The following NSUN4 variants were observed in gnomAD, a reference collection of about 807,000 sequenced individuals.
NSUN4 encodes NOP2/Sun RNA methyltransferase 4, also known as 5-cytosine rRNA methyltransferase NSUN4.
A neutral mutation model predicts 43.8 loss-of-function variants in NSUN4; 31 were observed. The observed-to-expected ratio is 0.71, with a 90% CI of 0.53 to 0.96. The LOEUF is 0.96. Ranked by LOEUF, NSUN4 falls within the 40% of genes least tolerant of loss-of-function variation. The probability of loss-of-function intolerance (pLI) is 0.00; values close to 1 mark genes in which losing one functional copy is unlikely to be tolerated. For synonymous variants in NSUN4, 167 were observed against 184.1 expected (o/e 0.91, Z 0.75); for missense variants, 439 against 475.6 (o/e 0.92, Z 0.72).
rs193220856 is a variant in NSUN4 at position 46,348,023 on chromosome 1, G to A, written c.592+948G>A. On this transcript the variant is annotated intron_variant, in intron 3 of 5. Coordinates refer to ENST00000474844, the MANE Select transcript of NSUN4 (RefSeq NM_199044.4). ...CTCCCTACTAGCTAGGACTACAGGCGCCCACCACCACGCCCAGCTAATTTG... is the reference window on the plus strand; with the variant it reads ...CTCCCTACTAGCTAGGACTACAGGCACCCACCACCACGCCCAGCTAATTTG... 6.6e-5 allele frequency among the ~76,000 whole-genome samples: 10 copies of A among 151,996 alleles called. No individual in the cohort carries two copies. In the East Asian group the frequency reaches 1.2e-3, roughly 18 times the overall value.
In NSUN4 at chr1:46,349,138, T is replaced by C. The variant is rs1370780626; in HGVS notation, c.592+2063T>C. ...TTGTGCACTGTTTTTTTTGGTTTGT[T>C]TTTTTGTTTTTTTTTTTTTGAGACG... On this transcript the variant is annotated intron_variant, in intron 3 of 5. Coordinates refer to ENST00000474844, the MANE Select transcript of NSUN4 (RefSeq NM_199044.4). Among the ~76,000 whole-genome samples, 3 of 136,116 alleles carry C rather than the reference T, an allele frequency of 2.2e-5. No homozygotes were observed. In the East Asian group the frequency reaches 6.0e-4, roughly 27 times the overall value. The allele number at this position is 136,116 out of a possible 152,430, so 89.3% of individuals were successfully genotyped here. A position where few individuals can be genotyped will look rare whatever the true frequency, so the allele number is the denominator to read the frequency against.
the NSUN4 span, among the ~76,000 whole-genome samples, chr1:46,376,992 AG>A: frequency 1.1e-4 from 17 of 151,948 alleles, no homozygotes; most frequent in African/African-American, 4.1e-4. Flanking sequence ...TCCTGATCTC[AG>A]GTGATCCACC....
At position 46,361,958 on chromosome 1, in the gene NSUN4, G is replaced by C. The variant is rs1663912201; in HGVS notation, c.*112G>C. On this transcript the variant is annotated 3_prime_UTR_variant, in exon 6 of 6. Coordinates refer to ENST00000474844, the MANE Select transcript of NSUN4 (RefSeq NM_199044.4). ...GCACTCTCGGTCCTGTCTCCATCCT[G>C]TTCGTGTCTTTCTGCAGTTTTCGGC... The C allele has an allele frequency of 1.0e-6, 1 of 992,866 alleles. No homozygotes were observed. The highest frequency in any genetic ancestry group is 1.7e-5 in the South Asian group (1 of 59,234). 61.5% of individuals were successfully genotyped at this position (992,866 alleles called of 1,614,324 possible).
chr1:46,371,569 GT>G, the NSUN4 span, among the ~76,000 whole-genome samples: 1 of 151,988 alleles, frequency 6.6e-6, no homozygotes, highest in Non-Finnish European at 1.5e-5. Context: ...GCCTCCCAAA[GT>G]TCTGTGATTA....
intron 1 of NSUN4, chr1:46,342,496 C>T (rs747945412): frequency 7.5e-6 from 3 of 399,024 alleles, no homozygotes; most frequent in Admixed American, 4.4e-5. Flanking sequence ...CCTTGCTCAC[C>T]CCAGTCCCAG....
In NSUN4 at chr1:46,361,991, A is replaced by T; in HGVS notation, c.*145A>T. 2.7e-6 allele frequency: 2 copies of T among 752,974 alleles called. No homozygotes were observed. Among genetic ancestry groups the T allele is most frequent in the Non-Finnish European group, 4.2e-6 (2 of 471,836 alleles). The allele number at this position is 752,974 out of a possible 1,614,324, so 46.6% of individuals were successfully genotyped here. On this transcript the variant is annotated 3_prime_UTR_variant, in exon 6 of 6. Coordinates refer to ENST00000474844, the MANE Select transcript of NSUN4 (RefSeq NM_199044.4). ...CTTTCTGCAGTTTTCGGCAATAAGA[A>T]GTAGAAGATTTGCTGTCCTGCTGTC...
intron 4 of NSUN4, among the ~76,000 whole-genome samples, chr1:46,354,528 C>T (rs1663231334): frequency 6.6e-6 from 1 of 152,102 alleles, no homozygotes; most frequent in South Asian, 2.1e-4. Context: ...ACCTGATTTA[C>T]CTAATCTGTC....
chr1:46,376,577 A>G, the NSUN4 span, among the ~76,000 whole-genome samples: 1 of 152,338 alleles, frequency 6.6e-6, no homozygotes, highest in East Asian at 1.9e-4. Context: ...CTCTCTAAAA[A>G]AAAATTAAAG....
At chr1:46,340,954 G>A in intron 1 of NSUN4, 35 bp downstream of exon 1, 1 of 1,563,148 alleles carries the variant, frequency 6.4e-7, no homozygotes, top group Non-Finnish European at 8.7e-7. Flanking sequence ...AGGGAAAAGT[G>A]AGGGTGGAAA....
rs1326120955 is a variant in NSUN4 at position 46,363,100 on chromosome 1, T to C, written c.*1254T>C. On this transcript the variant is annotated 3_prime_UTR_variant, in exon 6 of 6. Coordinates refer to ENST00000474844, the MANE Select transcript of NSUN4 (RefSeq NM_199044.4). Reference sequence around the variant, plus strand: ...TATTCCTCCTCTTCCTGCCACTCTTTTTGTCCCTTCTGTCTTTCCTGCTCA... The same window carrying C: ...TATTCCTCCTCTTCCTGCCACTCTTCTTGTCCCTTCTGTCTTTCCTGCTCA... 1 of 152,228 alleles carries C rather than the reference T, an allele frequency of 6.6e-6. No homozygotes were observed. The highest frequency in any genetic ancestry group is 1.5e-5 in the Non-Finnish European group (1 of 68,040). 9.4% of individuals were successfully genotyped at this position (152,228 alleles called of 1,614,324 possible).
At chr1:46,372,143 G>GTTT in the NSUN4 span, among the ~76,000 whole-genome samples, 8 of 136,714 alleles carry the variant, frequency 5.9e-5, no homozygotes, top group Non-Finnish European at 7.8e-5. Context: ...CCTTTTTACT[G>GTTT]TTTTTTTTTT....
chr1:46,360,243 AAAAAAAAT>A (rs1663741911), intron 4 of NSUN4, among the ~76,000 whole-genome samples: 2 of 37,966 alleles, frequency 5.3e-5, no homozygotes, highest in East Asian at 1.0e-3. Flanking sequence ...AAAAAAAAAA[AAAAAAAAT>A]ATATATATAT....
chr1:46,352,100 G>T (rs1663036009), intron 3 of NSUN4, among the ~76,000 whole-genome samples: 1 of 151,588 alleles, frequency 6.6e-6, no homozygotes, highest in African/African-American at 2.4e-5. Flanking sequence ...CAAAGTGCTG[G>T]GATGAGAGGC....
intron 3 of NSUN4, among the ~76,000 whole-genome samples, chr1:46,351,664 T>C (rs930821394): frequency 7.2e-5 from 10 of 138,994 alleles, no homozygotes; most frequent in Non-Finnish European, 1.4e-4. Flanking sequence ...AGTCTCTTTT[T>C]TTTTTTTTTT....
In NSUN4 at chr1:46,340,855, G is replaced by A; in HGVS notation, c.29G>A (p.Arg10Gln). MAALTLRGV[R>Q]ELLKRVDLAT... The stretch of plus-strand genomic sequence containing the variant: ...GCTGCGCTGACACTGAGGGGTGTCC[G>A]GGAGCTGCTGAAGCGTGTGGACCTC... The change falls in exon 1 of 6, where the codon CGG (arginine) becomes CAG (glutamine). Residue 10 changes from arginine to glutamine, a missense_variant. Coordinates refer to ENST00000474844, the MANE Select transcript of NSUN4 (RefSeq NM_199044.4). 1 of 1,613,058 alleles carries A rather than the reference G, an allele frequency of 6.2e-7. No homozygotes were observed. The highest frequency in any genetic ancestry group is 8.5e-7 in the Non-Finnish European group (1 of 1,179,562).
intron 1 of NSUN4, chr1:46,341,326 G>T: frequency 2.0e-6 from 2 of 980,456 alleles, no homozygotes; most frequent in Non-Finnish European, 2.4e-6. Flanking sequence ...TTTCCAGCCC[G>T]GTCGCCCTCA....
At chr1:46,371,651 A>G in the NSUN4 span, among the ~76,000 whole-genome samples, 235 of 152,222 alleles carry the variant, frequency 1.5e-3, 1 homozygote, top group Non-Finnish European at 2.6e-3. Context: ...CATGTTGGTC[A>G]GGCTTGTCTC....
chr1:46,367,344 G>GA (rs35032485), downstream of NSUN4, among the ~76,000 whole-genome samples: 3 of 152,132 alleles, frequency 2.0e-5, no homozygotes, highest in Non-Finnish European at 4.4e-5. Flanking sequence ...AGGCCCATGT[G>GA]AAAAAAGCAT....
Position 46,361,990 on chromosome 1 carries a change from A to T in NSUN4, c.*144A>T. ...TCTTTCTGCAGTTTTCGGCAATAAG[A>T]AGTAGAAGATTTGCTGTCCTGCTGT... On this transcript the variant is annotated 3_prime_UTR_variant, in exon 6 of 6. Transcript: ENST00000474844. The T allele has an allele frequency of 5.3e-6, 4 of 757,790 alleles. No homozygotes were observed. The highest frequency in any genetic ancestry group is 1.9e-5 in the South Asian group (1 of 53,590). The allele number at this position is 757,790 out of a possible 1,614,324, so 46.9% of individuals were successfully genotyped here. A position where few individuals can be genotyped will look rare whatever the true frequency, so the allele number is the denominator to read the frequency against.
Sources: gnomAD v4.1 joint callset for allele counts (sites outside exome capture counted in the v4.1 genomes callset) on GRCh38, gnomAD v4.1.1 for gene constraint, MANE v1.5 for transcripts, NCBI Gene and HGNC (gene_info 2026-07-23, HGNC 2026-07-21) for gene names.